Variants in AJAP1 observed in about 807,000 individuals in gnomAD.
The protein encoded by AJAP1 is adherens junctions associated protein 1, also known as adherens junction-associated protein 1.
AJAP1 carries 5 observed loss-of-function variants against 35.0 expected under a neutral mutation model. That is an observed-to-expected ratio of 0.14 (90% confidence interval 0.07 to 0.30). The LOEUF is 0.30. Ranked by LOEUF, AJAP1 falls within the 10% of genes least tolerant of loss-of-function variation. The pLI is 1.00. For missense variants in AJAP1, 586 were observed against 571.0 expected (o/e 1.03, Z -0.27); for synonymous variants, 284 against 249.3 (o/e 1.14, Z -1.31).
chr1:4,707,440 G>T (rs1640124551), intron 1 of AJAP1, among the ~76,000 whole-genome samples: 1 of 151,918 alleles, frequency 6.6e-6, no homozygotes. Flanking sequence ...CAAGCCTTGG[G>T]CAATTGCTCA....
intron 1 of AJAP1, among the ~76,000 whole-genome samples, chr1:4,664,018 A>G (rs927945677): frequency 1.3e-5 from 2 of 152,094 alleles, no homozygotes; most frequent in Non-Finnish European, 2.9e-5. Flanking sequence ...GACACTTACT[A>G]TGTAGCAGGC....
At chr1:4,696,250 G>T (rs1639856692) in intron 1 of AJAP1, among the ~76,000 whole-genome samples, 1 of 152,176 alleles carries the variant, frequency 6.6e-6, no homozygotes, top group African/African-American at 2.4e-5. Context: ...CCCCCTTCAA[G>T]TCACAGCCAC....
chr1:4,662,293 T>C (rs1024306874), intron 1 of AJAP1, among the ~76,000 whole-genome samples: 24 of 152,234 alleles, frequency 1.6e-4, no homozygotes, highest in Non-Finnish European at 3.1e-4. Flanking sequence ...GATTTGGCCT[T>C]GATGGATTTG....
At position 4,693,747 on chromosome 1, in the gene AJAP1, C is replaced by A. The variant is rs922138417; in HGVS notation, c.30-18153C>A. Among the ~76,000 whole-genome samples the A allele has an allele frequency of 2.0e-5, 3 of 152,164 alleles. No homozygotes were observed. The highest frequency in any genetic ancestry group is 4.4e-5 in the Non-Finnish European group (3 of 68,032). Reference sequence around the variant, plus strand: ...GCCCACGTCTCGCTGGGGCTTCTTGCTGTGTAATCCCGTGGTGGAAGCAGG... The same window carrying A: ...GCCCACGTCTCGCTGGGGCTTCTTGATGTGTAATCCCGTGGTGGAAGCAGG... On this transcript the variant is annotated intron_variant, in intron 1 of 5. Transcript: ENST00000378191. The surrounding 1 kb of genome is among the most constrained non-coding windows in gnomAD (Gnocchi z 4.4).
chr1:4,726,407 C>T (rs1640660802), intron 2 of AJAP1, among the ~76,000 whole-genome samples: 1 of 152,154 alleles, frequency 6.6e-6, no homozygotes, highest in Non-Finnish European at 1.5e-5. Context: ...GGGAAGTTGA[C>T]CCCAGAGCCC....
At chr1:4,690,599 T>C (rs1200260255) in intron 1 of AJAP1, among the ~76,000 whole-genome samples, 2 of 152,198 alleles carry the variant, frequency 1.3e-5, no homozygotes, top group African/African-American at 4.8e-5. Flanking sequence ...TTATTGGGTG[T>C]CACTGTGCCT....
At position 4,656,519 on chromosome 1, in the gene AJAP1, G is replaced by T. The variant is rs942866117; in HGVS notation, c.29+1065G>T. Among the ~76,000 whole-genome samples, 1 of 152,164 alleles carries T rather than the reference G, an allele frequency of 6.6e-6. No homozygotes were observed. The highest frequency in any genetic ancestry group is 1.5e-5 in the Non-Finnish European group (1 of 68,038). On this transcript the variant is annotated intron_variant, in intron 1 of 5. Transcript: ENST00000378191. The surrounding 1 kb of genome is among the most constrained non-coding windows in gnomAD (Gnocchi z 5.7). ...CGAAAAGGCCAGTAGTTGTTAGCCCGCTGCTTGAGCCGCCCCCACTCAGGG... is the reference window on the plus strand; with the variant it reads ...CGAAAAGGCCAGTAGTTGTTAGCCCTCTGCTTGAGCCGCCCCCACTCAGGG...
intron 2 of AJAP1, among the ~76,000 whole-genome samples, chr1:4,768,211 G>C (rs1269744460): frequency 1.3e-5 from 2 of 152,242 alleles, no homozygotes; most frequent in African/African-American, 2.4e-5. Flanking sequence ...TGGGTGAGCA[G>C]TACTAGTGCT....
Position 4,707,246 on chromosome 1 carries a change from A to T in AJAP1, c.30-4654A>T, listed in dbSNP as rs117855205. On this transcript the variant is annotated intron_variant, in intron 1 of 5. Coordinates refer to ENST00000378191, the MANE Select transcript of AJAP1 (RefSeq NM_018836.4). ...CATTGTCCCCACAACCCTTGCACAC[A>T]CCCCATTCTCTAGCATGTTCCTTTT... Among the ~76,000 whole-genome samples, 55 of 152,136 alleles carry T rather than the reference A, an allele frequency of 3.6e-4. 1 individual carries two copies. In the East Asian group the frequency reaches 9.5e-3, roughly 26 times the overall value.
At chr1:4,717,659 G>A (rs1435143316) in intron 2 of AJAP1, among the ~76,000 whole-genome samples, 5 of 152,192 alleles carry the variant, frequency 3.3e-5, no homozygotes, top group Non-Finnish European at 7.3e-5. Flanking sequence ...ATGTCCCTCG[G>A]TAAGCACAGG....
At chr1:4,772,547 C>T (rs745937308) in intron 4 of AJAP1, 22 bp downstream of exon 4, 1 of 1,609,484 alleles carries the variant, frequency 6.2e-7, no homozygotes, top group Non-Finnish European at 8.5e-7. Context: ...CTCTGCTAGA[C>T]CCTGCAGCTG....
chr1:4,685,679 G>T (rs1035667103), intron 1 of AJAP1, among the ~76,000 whole-genome samples: 1 of 152,132 alleles, frequency 6.6e-6, no homozygotes. Flanking sequence ...GGAGAGGCAA[G>T]CTCCACAAAG....
chr1:4,659,642 CAGG>C (rs530792741), intron 1 of AJAP1, among the ~76,000 whole-genome samples: 94 of 152,234 alleles, frequency 6.2e-4, no homozygotes, highest in African/African-American at 2.1e-3. Context: ...GATCAGGCAC[CAGG>C]AGGAGAGAGG....
intron 2 of AJAP1, among the ~76,000 whole-genome samples, chr1:4,717,690 C>G (rs2100276582): frequency 6.6e-6 from 1 of 152,308 alleles, no homozygotes; most frequent in South Asian, 2.1e-4. Flanking sequence ...GTGTCATTTT[C>G]TCTGCACCCC....
At chr1:4,737,509 G>T (rs1266917933) in intron 2 of AJAP1, among the ~76,000 whole-genome samples, 2 of 151,932 alleles carry the variant, frequency 1.3e-5, no homozygotes, top group Admixed American at 6.6e-5. Flanking sequence ...AGCCCCCCGA[G>T]ATCTGCGAGC....
intron 2 of AJAP1, among the ~76,000 whole-genome samples, chr1:4,731,862 TC>T (rs1640804558): frequency 6.6e-6 from 1 of 152,204 alleles, no homozygotes; most frequent in African/African-American, 2.4e-5. Flanking sequence ...CTCAGGTGGG[TC>T]CTGGGAGGCT....
Position 4,727,691 on chromosome 1 carries a change from G to A in AJAP1, c.829+14992G>A, listed in dbSNP as rs1194412340. On this transcript the variant is annotated intron_variant, in intron 2 of 5. Coordinates refer to ENST00000378191, the MANE Select transcript of AJAP1 (RefSeq NM_018836.4). ...CTTCCCCTGGAGTGTGGATGGGGCC[G>A]TGACCTGCCCCTAACGCAAGGCTGT... Among the ~76,000 whole-genome samples the A allele has an allele frequency of 9.2e-5, 14 of 152,208 alleles. No homozygotes were observed. The South Asian group carries it at 2.1e-3, about 22-fold the overall frequency.
rs866397254 is a variant in AJAP1 at position 4,769,833 on chromosome 1, C to T, written c.830-20C>T. 2 of 1,609,268 alleles carry T rather than the reference C, an allele frequency of 1.2e-6. No homozygotes were observed. The highest frequency in any genetic ancestry group is 2.2e-5 in the South Asian group (2 of 91,000). The stretch of plus-strand genomic sequence containing the variant: ...AACCTGGTTTCACGGGTGCCCTCTT[C>T]CCTCTTTCCTTCTTTCCAGGTCTGG... On this transcript the variant is annotated intron_variant, in intron 2 of 5. Transcript: ENST00000378191.
intron 1 of AJAP1, among the ~76,000 whole-genome samples, chr1:4,666,403 G>A (rs889631838): frequency 3.3e-5 from 5 of 152,198 alleles, no homozygotes; most frequent in Admixed American, 2.6e-4. Context: ...CTAGGGCCAG[G>A]GTCCCAGGGA....
Sources: gnomAD v4.1 joint callset for allele counts (sites outside exome capture counted in the v4.1 genomes callset) on GRCh38, gnomAD v4.1.1 for gene constraint, Gnocchi (gnomAD v3.1) non-coding constraint, MANE v1.5 for transcripts, NCBI Gene and HGNC (gene_info 2026-07-23, HGNC 2026-07-21) for gene names.